The following PCDHA13 variants were observed in gnomAD, a reference collection of about 807,000 sequenced individuals.
PCDHA13 encodes the protein protocadherin alpha-13.
In PCDHA13, 54 loss-of-function variants were observed where a neutral mutation model predicts 64.8. The observed-to-expected ratio is 0.83, with a 90% CI of 0.67 to 1.04. The LOEUF (loss-of-function observed/expected upper bound fraction) is 1.04, where lower values mean the gene tolerates loss of function less well. PCDHA13 is among the 50% of genes least tolerant of loss of function. The pLI, the probability that PCDHA13 is intolerant of heterozygous loss-of-function variation, is 0.00. For missense variants in PCDHA13, 1,248 were observed against 1,254.3 expected (o/e 0.99, Z 0.08); for synonymous variants, 587 against 564.4 (o/e 1.04, Z -0.57).
chr5:140,941,403 G>A lies in PCDHA13; in HGVS notation c.2395-37546G>A, dbSNP rs527986544. Among the ~76,000 whole-genome samples, 769 of 142,382 alleles carry A rather than the reference G, an allele frequency of 5.4e-3. 3 individuals carry two copies. The highest frequency in any genetic ancestry group is 0.019 in the African/African-American group (737 of 38,338). The allele number at this position is 142,382 out of a possible 152,430, so 93.4% of individuals were successfully genotyped here. On this transcript the variant is annotated intron_variant, in intron 1 of 3. Coordinates refer to ENST00000289272, the MANE Select transcript of PCDHA13 (RefSeq NM_018904.3). ...AGGATTTTGGCTCACTGCAACCTCC[G>A]CCTCCCGGGTTCAAGCAATTCTCTG...
intron 1 of PCDHA13, among the ~76,000 whole-genome samples, chr5:140,885,128 T>A (rs2060480813): frequency 6.6e-6 from 1 of 152,222 alleles, no homozygotes; most frequent in Non-Finnish European, 1.5e-5. Context: ...CTTTTCTTTC[T>A]TTCTTTTTTT....
intron 1 of PCDHA13, among the ~76,000 whole-genome samples, chr5:140,908,402 T>C (rs2073951162): frequency 6.6e-6 from 1 of 152,166 alleles, no homozygotes; most frequent in Non-Finnish European, 1.5e-5. Flanking sequence ...TATATACCAC[T>C]TCCATTTGAT....
rs782633321 is a variant in PCDHA13, at chr5:140,884,493, C to T, written c.2225C>T (p.Ser742Phe). Reference sequence around the variant, plus strand: ...CCGGGCAAGCCCACTCTAGTGTGCTCCAGCGCGGCAGGGAGTTGGTCGTAC... The same window carrying T: ...CCGGGCAAGCCCACTCTAGTGTGCTTCAGCGCGGCAGGGAGTTGGTCGTAC... ...CAPGKPTLVC[S>F]SAAGSWSYSQ... The change falls in exon 1 of 4, where the codon TCC becomes TTC. Residue 742 changes from serine to phenylalanine, a missense_variant. Coordinates refer to ENST00000289272, the MANE Select transcript of PCDHA13 (RefSeq NM_018904.3). The T allele has an allele frequency of 1.2e-6, 2 of 1,614,038 alleles. No homozygotes were observed. The highest frequency in any genetic ancestry group is 1.3e-5 in the African/African-American group (1 of 75,050).
At chr5:140,981,128 G>A (rs1340714771) in intron 2 of PCDHA13, among the ~76,000 whole-genome samples, 1 of 152,214 alleles carries the variant, frequency 6.6e-6, no homozygotes, top group Non-Finnish European at 1.5e-5. Flanking sequence ...GTTGTTTGAA[G>A]TCAAAGAGTG....
At chr5:140,924,907 A>AT (rs1242980267) in intron 1 of PCDHA13, among the ~76,000 whole-genome samples, 3,369 of 50,932 alleles carry the variant, frequency 0.066, 44 homozygotes, top group African/African-American at 0.099. Context: ...AAAAAAAAAT[A>AT]AAATAAAATA....
rs1228559116 is a variant in PCDHA13, at chr5:140,927,616, G to A, written c.2394+42954G>A. On this transcript the variant is annotated intron_variant, in intron 1 of 3. Coordinates refer to ENST00000289272, the MANE Select transcript of PCDHA13 (RefSeq NM_018904.3). ...TGAGCGCTCCGTATACCGCACCAAG[G>A]TTCCAGAGACTGCACCCAATGGGAC... 1.1e-5 allele frequency: 18 copies of A among 1,614,046 alleles called. No individual in the cohort carries two copies. Among genetic ancestry groups the A allele is most frequent in the Non-Finnish European group, 1.5e-5 (18 of 1,180,038 alleles).
intron 1 of PCDHA13, among the ~76,000 whole-genome samples, chr5:140,970,416 G>A (rs536181177): frequency 2.4e-4 from 36 of 152,326 alleles, no homozygotes; most frequent in African/African-American, 8.2e-4. Context: ...CTACAGTAAG[G>A]TGTAGAGGCA....
chr5:140,907,111 C>T (rs1465808747), intron 1 of PCDHA13, among the ~76,000 whole-genome samples: 1 of 152,130 alleles, frequency 6.6e-6, no homozygotes, highest in African/African-American at 2.4e-5. Flanking sequence ...ACTTCCACCC[C>T]TTGATTCCTG....
chr5:140,927,516 C>G (rs782661477), intron 1 of PCDHA13: 22 of 1,614,066 alleles, frequency 1.4e-5, no homozygotes, highest in Non-Finnish European at 1.8e-5. Flanking sequence ...CTCGGGACGG[C>G]GGGCTACCTG....
At chr5:140,899,894 A>G (rs2067617727) in intron 1 of PCDHA13, among the ~76,000 whole-genome samples, 1 of 151,938 alleles carries the variant, frequency 6.6e-6, no homozygotes, top group African/African-American at 2.4e-5. Context: ...TGCAGCCTTG[A>G]CATCCTGGGC....
intron 1 of PCDHA13, chr5:140,927,330 G>A (rs2084093036): frequency 6.2e-7 from 1 of 1,614,140 alleles, no homozygotes; most frequent in Non-Finnish European, 8.5e-7. Flanking sequence ...TTACTCTCCC[G>A]AATGCCCAAG....
chr5:140,921,721 C>A (rs2080351320), intron 1 of PCDHA13, among the ~76,000 whole-genome samples: 2 of 152,068 alleles, frequency 1.3e-5, no homozygotes, highest in African/African-American at 4.8e-5. Context: ...ACACGAATTA[C>A]TCCCATAAAA....
At chr5:140,967,109 C>T in intron 1 of PCDHA13, 1 of 1,612,966 alleles carries the variant, frequency 6.2e-7, no homozygotes, top group Non-Finnish European at 8.5e-7. Flanking sequence ...TGAGCAGCGG[C>T]CTCGCTGCCT....
intron 1 of PCDHA13, among the ~76,000 whole-genome samples, chr5:140,910,741 ATAAAT>A (rs2075151736): frequency 6.6e-6 from 1 of 152,142 alleles, no homozygotes; most frequent in African/African-American, 2.4e-5. Flanking sequence ...AACCAAGCAC[ATAAAT>A]TATCAGAACC....
intron 1 of PCDHA13, chr5:140,928,237 C>T: frequency 6.2e-7 from 1 of 1,614,228 alleles, no homozygotes; most frequent in Non-Finnish European, 8.5e-7. Context: ...TCCTCAACCC[C>T]AGCAGGAACT....
intron 1 of PCDHA13, among the ~76,000 whole-genome samples, chr5:140,972,225 G>A (rs959858462): frequency 3.3e-5 from 5 of 151,474 alleles, no homozygotes; most frequent in Admixed American, 2.0e-4. Context: ...CTGCAGCCTC[G>A]ACCTTCTGGG....
chr5:140,894,138 T>A (rs1224822611), intron 1 of PCDHA13, among the ~76,000 whole-genome samples: 2 of 152,112 alleles, frequency 1.3e-5, no homozygotes, highest in Non-Finnish European at 2.9e-5. Flanking sequence ...TTGAAATAAT[T>A]CCCTTCTATG....
rs562972971 is a variant in PCDHA13, at chr5:140,960,395, A to AG, written c.2395-18547dup. 1.1e-4 allele frequency among the ~76,000 whole-genome samples: 17 copies of AG among 152,266 alleles called. No individual in the cohort carries two copies. The Middle Eastern group carries it at 0.014, about 123-fold the overall frequency. ...TTAAGTGCCAAGACATTAGGATGCAAGGGGGGGTGCCCAAAAAGTCAACAA... is the reference window on the plus strand; with the variant it reads ...TTAAGTGCCAAGACATTAGGATGCAAGGGGGGGGTGCCCAAAAAGTCAACAA... On this transcript the variant is annotated intron_variant, in intron 1 of 3. Coordinates refer to ENST00000289272, the MANE Select transcript of PCDHA13 (RefSeq NM_018904.3).
At chr5:140,922,476 G>C (rs1473614127) in intron 1 of PCDHA13, among the ~76,000 whole-genome samples, 2 of 152,184 alleles carry the variant, frequency 1.3e-5, no homozygotes, top group African/African-American at 4.8e-5. Context: ...AGGAGAGAAG[G>C]CAGGACTAAA....
Sources: allele counts gnomAD v4.1 joint callset (sites outside exome capture counted in the v4.1 genomes callset), GRCh38; gene constraint gnomAD v4.1.1; transcripts MANE v1.5; gene names NCBI Gene and HGNC (gene_info 2026-07-23, HGNC 2026-07-21).